The following SIPA1L1 variants were observed in gnomAD, a reference collection of about 807,000 sequenced individuals.
The protein encoded by SIPA1L1 is signal-induced proliferation-associated 1-like protein 1.
SIPA1L1 carries 26 observed loss-of-function variants against 162.7 expected under a neutral mutation model. The observed-to-expected ratio is 0.16, with a 90% confidence interval of 0.12 to 0.22. SIPA1L1 has a LOEUF of 0.22. Among genes scored for constraint, SIPA1L1 ranks in the 10% least tolerant of loss-of-function variants. The pLI is 1.00. For missense variants in SIPA1L1, 1,874 were observed against 2,241.0 expected, an observed-to-expected ratio of 0.84 and a Z score of 3.31; for synonymous variants, 829 against 837.4, an observed-to-expected ratio of 0.99 and a Z score of 0.17.
At chr14:71,518,367 A>T (rs546226488) in intron 3 of SIPA1L1, among the ~76,000 whole-genome samples, 1 of 152,290 alleles carries the variant, frequency 6.6e-6, no homozygotes. Flanking sequence ...TAGAACAGGA[A>T]TCTAGTTTAA....
intron 2 of SIPA1L1, among the ~76,000 whole-genome samples, chr14:71,397,405 T>C (rs1051259930): frequency 9.2e-5 from 14 of 152,054 alleles, no homozygotes; most frequent in African/African-American, 3.1e-4. Context: ...CTAGTATTTC[T>C]TTATATATAT....
chr14:71,548,345 C>A (rs1294480634), intron 4 of SIPA1L1, among the ~76,000 whole-genome samples: 1 of 152,044 alleles, frequency 6.6e-6, no homozygotes, highest in Non-Finnish European at 1.5e-5. Context: ...TTATCATTTA[C>A]AAAATTTGAA....
intron 2 of SIPA1L1, among the ~76,000 whole-genome samples, chr14:71,452,896 G>A (rs1334278612): frequency 6.6e-6 from 1 of 152,094 alleles, no homozygotes; most frequent in Non-Finnish European, 1.5e-5. Context: ...GATATTCACA[G>A]AAACTATTAT....
chr14:71,541,135 G>T (rs1024860710), intron 4 of SIPA1L1, among the ~76,000 whole-genome samples: 3 of 151,732 alleles, frequency 2.0e-5, no homozygotes, highest in African/African-American at 7.3e-5. Context: ...AAAAGAAGAA[G>T]AACTTATTTA....
intron 2 of SIPA1L1, among the ~76,000 whole-genome samples, chr14:71,430,357 C>G (rs945687371): frequency 1.3e-5 from 2 of 151,986 alleles, no homozygotes; most frequent in African/African-American, 4.8e-5. Flanking sequence ...AAATTATTTT[C>G]AGAAGCTTTG....
intron 6 of SIPA1L1, among the ~76,000 whole-genome samples, chr14:71,620,190 C>T (rs892751970): frequency 1.3e-5 from 2 of 152,334 alleles, no homozygotes; most frequent in Non-Finnish European, 1.5e-5. Flanking sequence ...CTGCCTCAGC[C>T]TCCCGAGTAG....
intron 2 of SIPA1L1, among the ~76,000 whole-genome samples, chr14:71,450,342 C>T (rs923077729): frequency 6.6e-6 from 1 of 152,134 alleles, no homozygotes; most frequent in Non-Finnish European, 1.5e-5. Flanking sequence ...ATAGTGTGTT[C>T]TCTAAGACTC....
At chr14:71,689,510 G>C (rs188654135) in intron 13 of SIPA1L1, among the ~76,000 whole-genome samples, 10 of 152,290 alleles carry the variant, frequency 6.6e-5, no homozygotes, top group African/African-American at 2.4e-4. Context: ...CGCTGAACTT[G>C]ATACATTACT....
intron 2 of SIPA1L1, among the ~76,000 whole-genome samples, chr14:71,511,466 T>G (rs917613596): frequency 3.9e-5 from 6 of 152,052 alleles, no homozygotes; most frequent in Non-Finnish European, 5.9e-5. Flanking sequence ...TTTATTTTTT[T>G]TTTGCAGAGT....
intron 2 of SIPA1L1, among the ~76,000 whole-genome samples, chr14:71,329,206 T>A (rs997525749): frequency 1.3e-5 from 2 of 152,246 alleles, no homozygotes; most frequent in Admixed American, 1.3e-4. Flanking sequence ...TGATTGTTGC[T>A]ATGAACGTGG....
intron 2 of SIPA1L1, among the ~76,000 whole-genome samples, chr14:71,327,883 C>T (rs893546795): frequency 6.6e-6 from 1 of 152,118 alleles, no homozygotes; most frequent in African/African-American, 2.4e-5. Context: ...GCTCTGTGTG[C>T]ATATGTGTGC....
intron 4 of SIPA1L1, among the ~76,000 whole-genome samples, chr14:71,564,964 G>T (rs2030080065): frequency 6.6e-6 from 1 of 152,134 alleles, no homozygotes; most frequent in Non-Finnish European, 1.5e-5. Context: ...AGTGAACCAT[G>T]CCTGCTGTTT....
At chr14:71,604,148 C>CCA (rs2037199699) in intron 5 of SIPA1L1, among the ~76,000 whole-genome samples, 1 of 150,948 alleles carries the variant, frequency 6.6e-6, no homozygotes, top group Non-Finnish European at 1.5e-5. Flanking sequence ...TGGGCACATG[C>CCA]CACCACGCCT....
At chr14:71,475,770 A>C (rs2047799665) in intron 2 of SIPA1L1, among the ~76,000 whole-genome samples, 1 of 152,226 alleles carries the variant, frequency 6.6e-6, no homozygotes, top group South Asian at 2.1e-4. Flanking sequence ...CAGTCAGTGA[A>C]AGTGGAATGA....
intron 2 of SIPA1L1, among the ~76,000 whole-genome samples, chr14:71,352,179 G>T (rs1036288999): frequency 3.9e-5 from 6 of 151,976 alleles, no homozygotes; most frequent in African/African-American, 1.5e-4. Context: ...ACCATGGGAT[G>T]AATTTTCTGT....
At chr14:71,541,839 TA>T (rs2054413726) in intron 4 of SIPA1L1, among the ~76,000 whole-genome samples, 1 of 152,190 alleles carries the variant, frequency 6.6e-6, no homozygotes, top group African/African-American at 2.4e-5. Flanking sequence ...ACAGAGATTC[TA>T]GTGCCAGTTA....
At chr14:71,621,057 C>G (rs117966546) in intron 6 of SIPA1L1, among the ~76,000 whole-genome samples, 3 of 152,200 alleles carry the variant, frequency 2.0e-5, no homozygotes, top group Non-Finnish European at 2.9e-5. Flanking sequence ...CCTCCTGCCC[C>G]TGAGATCTGG....
intron 12 of SIPA1L1, among the ~76,000 whole-genome samples, chr14:71,678,124 C>T (rs953878303): frequency 2.0e-5 from 3 of 152,158 alleles, no homozygotes; most frequent in East Asian, 1.9e-4. Context: ...TAATTGAATA[C>T]CCTTTATTTC....
At chr14:71,600,311 G>A (rs2036578619) in intron 5 of SIPA1L1, among the ~76,000 whole-genome samples, 1 of 151,948 alleles carries the variant, frequency 6.6e-6, no homozygotes, top group African/African-American at 2.4e-5. Context: ...AGACAGGATT[G>A]TAGAATTTTC....
Sources: gnomAD v4.1 joint callset for allele counts (sites outside exome capture counted in the v4.1 genomes callset) on GRCh38, gnomAD v4.1.1 for gene constraint, MANE v1.5 for transcripts, NCBI Gene and HGNC (gene_info 2026-07-23, HGNC 2026-07-21) for gene names.